IL1RAPL2: variants seen among roughly 807,000 people sequenced by gnomAD.
The protein encoded by IL1RAPL2 is interleukin 1 receptor accessory protein like 2.
Under a neutral mutation model 44.1 loss-of-function variants are expected in IL1RAPL2, and 3 were observed. The ratio of observed to expected loss-of-function variants is 0.07; its 90% CI spans 0.03 to 0.18. IL1RAPL2 has a LOEUF of 0.18. Among genes scored for constraint, IL1RAPL2 ranks in the 10% least tolerant of loss-of-function variants. The probability of loss-of-function intolerance (pLI) is 1.00; values close to 1 mark genes in which losing one functional copy is unlikely to be tolerated. For synonymous variants in IL1RAPL2, 181 were observed against 178.8 expected (o/e 1.01, Z -0.10); for missense variants, 391 against 496.4 (o/e 0.79, Z 2.02).
chrX:104,650,914 TTAA>T (rs1313051254), intron 1 of IL1RAPL2, among the ~76,000 whole-genome samples: 5 of 111,949 alleles, frequency 4.5e-5, no homozygotes, highest in African/African-American at 6.5e-5. Context: ...CCATAATTTA[TTAA>T]TGTCATGAAC....
chrX:105,665,739 TTTG>T (rs201759598), intron 6 of IL1RAPL2, among the ~76,000 whole-genome samples: 1,826 of 87,000 alleles, frequency 0.021, 31 homozygotes, highest in African/African-American at 0.049. Context: ...TTTTTGTTTT[TTTG>T]TTTTTTTTTT....
intron 2 of IL1RAPL2, among the ~76,000 whole-genome samples, chrX:104,812,417 C>T (rs1932991680): frequency 9.0e-6 from 1 of 111,618 alleles, no homozygotes; most frequent in East Asian, 2.8e-4. Flanking sequence ...CACTCTGTGT[C>T]ATGATGTTTA....
chrX:105,753,359 C>A (rs994627729), intron 9 of IL1RAPL2, among the ~76,000 whole-genome samples: 1 of 111,630 alleles, frequency 9.0e-6, no homozygotes, highest in African/African-American at 3.3e-5. Flanking sequence ...GTAACAGGGT[C>A]TGGTCTGACA....
chrX:105,675,803 G>C (rs1252954891), intron 6 of IL1RAPL2, among the ~76,000 whole-genome samples: 1 of 111,456 alleles, frequency 9.0e-6, no homozygotes, highest in African/African-American at 3.3e-5. Flanking sequence ...GCTTTCTTTG[G>C]TTGGTAAGCT....
Position 105,428,737 on chromosome X carries a change from C to T in IL1RAPL2, c.698-55576C>T, listed in dbSNP as rs889955445. On this transcript the variant is annotated intron_variant, in intron 5 of 10. Transcript: ENST00000372582. ...CTGGATGCTTTGAGGATATAATGTCCCTCCTATAGAACTAATCATTCATGC... is the reference window on the plus strand; with the variant it reads ...CTGGATGCTTTGAGGATATAATGTCTCTCCTATAGAACTAATCATTCATGC... Among the ~76,000 whole-genome samples, 14 of 111,362 alleles carry T rather than the reference C, an allele frequency of 1.3e-4. 1 individual carries two copies. The highest frequency in any genetic ancestry group is 8.6e-4 in the Admixed American group (9 of 10,441).
chrX:105,178,325 G>A (rs777350211), intron 2 of IL1RAPL2, among the ~76,000 whole-genome samples: 1 of 111,918 alleles, frequency 8.9e-6, no homozygotes, highest in South Asian at 3.8e-4. Context: ...TATGACCACA[G>A]AGTATTTCAT....
chrX:104,582,602 TTCTTTC>T lies in IL1RAPL2; in HGVS notation c.-20+15553_-20+15558del, dbSNP rs1928384383. 3.1e-3 allele frequency among the ~76,000 whole-genome samples: 255 copies of T among 83,381 alleles called. 2 individuals carry two copies. Among genetic ancestry groups the T allele is most frequent in the East Asian group, 0.012 (32 of 2,638 alleles). 72.4% of individuals were successfully genotyped at this position (83,381 alleles called of 115,157 possible). ...TTTTTCTTTCTTTCTTTCTTTTTCTTTCTTTCTTTCTTTCTTTCTTTCTTTCTTTCT... is the reference window on the plus strand; with the variant it reads ...TTTTTCTTTCTTTCTTTCTTTTTCTTTTTCTTTCTTTCTTTCTTTCTTTCT... On this transcript the variant is annotated intron_variant, in intron 1 of 10. Transcript: ENST00000372582.
chrX:105,206,843 A>C (rs2033768277), intron 3 of IL1RAPL2, among the ~76,000 whole-genome samples: 1 of 112,055 alleles, frequency 8.9e-6, no homozygotes, highest in Non-Finnish European at 1.9e-5. Context: ...ATGAATTTTG[A>C]AGCATATATA....
intron 2 of IL1RAPL2, among the ~76,000 whole-genome samples, chrX:104,749,253 C>T (rs1932220951): frequency 1.8e-5 from 2 of 110,773 alleles, no homozygotes; most frequent in African/African-American, 6.6e-5. Flanking sequence ...GATATAAGTA[C>T]TGAGGTCCTT....
At chrX:105,618,120 C>T (rs925925581) in intron 6 of IL1RAPL2, among the ~76,000 whole-genome samples, 2 of 105,445 alleles carry the variant, frequency 1.9e-5, no homozygotes, top group African/African-American at 3.7e-5. Flanking sequence ...CTCTCTCTCA[C>T]TCACACACAC....
chrX:104,978,347 G>C (rs1014904748), intron 2 of IL1RAPL2, among the ~76,000 whole-genome samples: 1 of 111,663 alleles, frequency 9.0e-6, no homozygotes, highest in Non-Finnish European at 1.9e-5. Context: ...ATATTTCTAA[G>C]TTGGTTATGT....
intron 2 of IL1RAPL2, among the ~76,000 whole-genome samples, chrX:104,885,420 G>T (rs1472364499): frequency 8.9e-6 from 1 of 111,854 alleles, no homozygotes; most frequent in East Asian, 2.8e-4. Flanking sequence ...GGGAAAGGAA[G>T]AAAATCCTTC....
At chrX:105,501,776 T>C (rs755738920) in intron 6 of IL1RAPL2, among the ~76,000 whole-genome samples, 1 of 112,287 alleles carries the variant, frequency 8.9e-6, no homozygotes, top group East Asian at 2.8e-4. Flanking sequence ...TGGGTATTCA[T>C]ATGACTTCCT....
At chrX:104,657,422 G>A (rs1434588209) in intron 1 of IL1RAPL2, among the ~76,000 whole-genome samples, 1 of 111,581 alleles carries the variant, frequency 9.0e-6, no homozygotes, top group East Asian at 2.8e-4. Flanking sequence ...CTAGCCATAT[G>A]TAGAAAGTTG....
At chrX:105,336,994 C>T (rs1301173252) in intron 5 of IL1RAPL2, among the ~76,000 whole-genome samples, 1 of 111,435 alleles carries the variant, frequency 9.0e-6, no homozygotes, top group African/African-American at 3.3e-5. Flanking sequence ...TTTCCACCTC[C>T]AATACCTTAT....
chrX:104,798,841 C>A (rs1003668497), intron 2 of IL1RAPL2, among the ~76,000 whole-genome samples: 1 of 110,882 alleles, frequency 9.0e-6, no homozygotes. Flanking sequence ...TCACTAGGTC[C>A]CTATCCATTC....
intron 6 of IL1RAPL2, among the ~76,000 whole-genome samples, chrX:105,690,992 G>T (rs2038030883): frequency 9.0e-6 from 1 of 110,776 alleles, no homozygotes; most frequent in Non-Finnish European, 1.9e-5. Context: ...ATCTTGCTGT[G>T]GTGCACATGA....
intron 2 of IL1RAPL2, among the ~76,000 whole-genome samples, chrX:105,165,855 A>G (rs771064177): frequency 1.8e-5 from 2 of 111,521 alleles, no homozygotes; most frequent in Admixed American, 9.6e-5. Flanking sequence ...TCAAGGGCCA[A>G]TTCCTCTGCA....
intron 5 of IL1RAPL2, among the ~76,000 whole-genome samples, chrX:105,483,490 TACTCTCTGCCTTTCCAAATCTTCTCC>T (rs1255531469): frequency 1.8e-5 from 2 of 111,712 alleles, no homozygotes; most frequent in Non-Finnish European, 3.8e-5. Flanking sequence ...TTTTCTTCTT[TACTCTCTGCCTTTCCAAATCTTCTCC>T]ACTCTCTGCC....
Sources: allele counts gnomAD v4.1 joint callset (sites outside exome capture counted in the v4.1 genomes callset), GRCh38; gene constraint gnomAD v4.1.1; transcripts MANE v1.5; gene names NCBI Gene and HGNC (gene_info 2026-07-23, HGNC 2026-07-21).